GATAD2B: variants seen among roughly 807,000 people sequenced by gnomAD.
GATAD2B encodes GATA zinc finger domain containing 2B, also known as transcriptional repressor p66-beta.
Under a neutral mutation model 64.3 loss-of-function variants are expected in GATAD2B, and 8 were observed. The observed-to-expected ratio is 0.12, with a 90% CI of 0.07 to 0.22. The LOEUF is 0.22. GATAD2B is among the 10% of genes least tolerant of loss of function. The pLI, the probability that GATAD2B is intolerant of heterozygous loss-of-function variation, is 1.00. For missense variants in GATAD2B, 453 were observed against 752.0 expected, an observed-to-expected ratio of 0.60 and a Z score of 4.65; for synonymous variants, 281 against 271.3, an observed-to-expected ratio of 1.04 and a Z score of -0.35.
chr1:153,864,216 C>A (rs577907955), intron 1 of GATAD2B, among the ~76,000 whole-genome samples: 1 of 152,160 alleles, frequency 6.6e-6, no homozygotes, highest in Admixed American at 6.6e-5. Context: ...AGAAAGTGCA[C>A]TCCAAAAGGA....
At chr1:153,835,539 C>T (rs1350103785) in intron 1 of GATAD2B, among the ~76,000 whole-genome samples, 1 of 151,858 alleles carries the variant, frequency 6.6e-6, no homozygotes, top group African/African-American at 2.4e-5. Flanking sequence ...GGTGAGCAGT[C>T]ATCCACATGG....
At position 153,817,440 on chromosome 1, in the gene GATAD2B, C is replaced by G; in HGVS notation, c.832G>C (p.Gly278Arg). ...PNPAQLQGQR[G>R]PPKPGLVRTT... ...CGTACAAGGCCAGGCTTAGGCGGGC[C>G]CCGCTGACCCTGTAGCTGGGCTGGG... The change falls in exon 6 of 11, where the codon GGC becomes CGC. Residue 278 changes from glycine to arginine, a missense_variant. Gly to Arg is a moderately radical substitution (Grantham distance 125, BLOSUM62 -2). This residue lies in a region of GATAD2B where 293 missense variants were observed against 417.2 expected (regional missense o/e 0.70). Coordinates refer to ENST00000368655, the MANE Select transcript of GATAD2B (RefSeq NM_020699.4). The G allele has an allele frequency of 6.2e-7, 1 of 1,612,260 alleles. No homozygotes were observed. Among genetic ancestry groups the G allele is most frequent in the Non-Finnish European group, 8.5e-7 (1 of 1,179,452 alleles).
intron 1 of GATAD2B, 48 bp from the exon 2 acceptor site, chr1:153,828,396 A>C (rs1343214061): frequency 7.0e-7 from 1 of 1,424,734 alleles, no homozygotes; most frequent in East Asian, 2.3e-5. Context: ...TCCCTTAAAT[A>C]GTCCATTTTT....
At chr1:153,817,596 T>C (rs1483460397) in intron 5 of GATAD2B, 54 bp from the exon 6 acceptor site, 32 of 1,300,858 alleles carry the variant, frequency 2.5e-5, no homozygotes, top group Non-Finnish European at 3.3e-5. Flanking sequence ...CTGTGTATAA[T>C]ACAGCACAAA....
At chr1:153,884,745 T>A (rs1289843006) in intron 1 of GATAD2B, among the ~76,000 whole-genome samples, 1 of 152,074 alleles carries the variant, frequency 6.6e-6, no homozygotes, top group Admixed American at 6.6e-5. Flanking sequence ...TAGGATCTTT[T>A]CTCCATTTTC....
At chr1:153,846,309 T>C (rs1675687136) in intron 1 of GATAD2B, among the ~76,000 whole-genome samples, 1 of 152,144 alleles carries the variant, frequency 6.6e-6, no homozygotes, top group African/African-American at 2.4e-5. Context: ...CCTGACTCAC[T>C]GCAACCTCTG....
chr1:153,816,628 G>A lies in GATAD2B; in HGVS notation c.901-40C>T, dbSNP rs767028993. 2.9e-6 allele frequency: 4 copies of A among 1,362,260 alleles called. No homozygotes were observed. The highest frequency in any genetic ancestry group is 3.4e-5 in the Admixed American group (2 of 58,130). The allele number at this position is 1,362,260 out of a possible 1,614,324, so 84.4% of individuals were successfully genotyped here. A position where few individuals can be genotyped will look rare whatever the true frequency, so the allele number is the denominator to read the frequency against. Reference sequence around the variant, plus strand: ...GAATGCGGTCAATCATGGTATGCAGGAGAAAGGGCCAATTCTTACGTTCTT... The same window carrying A: ...GAATGCGGTCAATCATGGTATGCAGAAGAAAGGGCCAATTCTTACGTTCTT... On this transcript the variant is annotated intron_variant, in intron 6 of 10. Coordinates refer to ENST00000368655, the MANE Select transcript of GATAD2B (RefSeq NM_020699.4). This position sits in a 1 kb window ranked among gnomAD's most constrained non-coding sequence, Gnocchi z 4.9.
intron 1 of GATAD2B, among the ~76,000 whole-genome samples, chr1:153,904,571 TCG>T (rs1376938203): frequency 6.6e-6 from 1 of 152,172 alleles, no homozygotes; most frequent in African/African-American, 2.4e-5. Flanking sequence ...AGACAGAGTC[TCG>T]CTCTGTCACT....
intron 1 of GATAD2B, among the ~76,000 whole-genome samples, chr1:153,863,702 C>A (rs1570970591): frequency 2.0e-5 from 3 of 151,874 alleles, no homozygotes. Context: ...TGGCTCAGTG[C>A]AACCTCCGCC....
At chr1:153,871,803 A>G (rs924059289) in intron 1 of GATAD2B, among the ~76,000 whole-genome samples, 1 of 152,016 alleles carries the variant, frequency 6.6e-6, no homozygotes, top group Non-Finnish European at 1.5e-5. Flanking sequence ...TTAATTCTTT[A>G]GCAGGGCATG....
chr1:153,859,004 G>C (rs2101918003), intron 1 of GATAD2B, among the ~76,000 whole-genome samples: 1 of 152,218 alleles, frequency 6.6e-6, no homozygotes, highest in Middle Eastern at 3.4e-3. Context: ...TGTTGCTTGA[G>C]ACAGGATAGC....
At chr1:153,878,621 G>A (rs978160380) in intron 1 of GATAD2B, among the ~76,000 whole-genome samples, 10 of 152,164 alleles carry the variant, frequency 6.6e-5, no homozygotes, top group African/African-American at 2.2e-4. Context: ...CCTCTAGACT[G>A]CAACCTGATA....
At chr1:153,813,012 T>C (rs958155826) in intron 8 of GATAD2B, among the ~76,000 whole-genome samples, 1 of 152,204 alleles carries the variant, frequency 6.6e-6, no homozygotes, top group African/African-American at 2.4e-5. Context: ...TAGAGTGCTA[T>C]GGAAAAGCCA....
At chr1:153,861,781 C>CAAAAAAAAAAA (rs869141712) in intron 1 of GATAD2B, among the ~76,000 whole-genome samples, 1,973 of 83,862 alleles carry the variant, frequency 0.024, 156 homozygotes, top group Non-Finnish European at 0.037. Context: ...GACTCCATTT[C>CAAAAAAAAAAA]AAAAAAAAAA....
intron 8 of GATAD2B, chr1:153,812,379 T>C: frequency 2.4e-6 from 1 of 423,582 alleles, no homozygotes. Context: ...ACCTCTAATG[T>C]TGTTGGCTAG....
intron 1 of GATAD2B, among the ~76,000 whole-genome samples, chr1:153,909,905 G>A (rs979654638): frequency 2.0e-5 from 3 of 148,330 alleles, no homozygotes; most frequent in Non-Finnish European, 4.5e-5. Flanking sequence ...CCGAGATGAT[G>A]CCACTGCACT....
chr1:153,861,093 A>G (rs1676264013), intron 1 of GATAD2B, among the ~76,000 whole-genome samples: 2 of 152,326 alleles, frequency 1.3e-5, no homozygotes, highest in South Asian at 2.1e-4. Context: ...TTCAGGCAGC[A>G]AACTTCAAGC....
At chr1:153,893,609 C>CAA (rs1224448875) in intron 1 of GATAD2B, among the ~76,000 whole-genome samples, 1 of 141,202 alleles carries the variant, frequency 7.1e-6, no homozygotes, top group Admixed American at 7.1e-5. Context: ...GACTCTGTCT[C>CAA]AAAAAAAAAA....
At chr1:153,900,842 T>G (rs1449824464) in intron 1 of GATAD2B, among the ~76,000 whole-genome samples, 1 of 152,208 alleles carries the variant, frequency 6.6e-6, no homozygotes, top group Non-Finnish European at 1.5e-5. Context: ...ACTTTACTTA[T>G]AAACACTGAA....
Sources: gnomAD v4.1 joint callset for allele counts (sites outside exome capture counted in the v4.1 genomes callset) on GRCh38, gnomAD v4.1.1 for gene constraint, gnomAD v4.1.1 regional missense constraint, Gnocchi (gnomAD v3.1) non-coding constraint, MANE v1.5 for transcripts, NCBI Gene and HGNC (gene_info 2026-07-23, HGNC 2026-07-21) for gene names.